WASF3: variants seen among roughly 807,000 people sequenced by gnomAD.
The protein encoded by WASF3 is WASP family member 3.
In WASF3, 11 loss-of-function variants were observed where a neutral mutation model predicts 46.6. The observed-to-expected ratio is 0.24, with a 90% CI of 0.15 to 0.39. The LOEUF is 0.39. Ranked by LOEUF, WASF3 falls within the 10% of genes least tolerant of loss-of-function variation. The pLI is 1.00. For synonymous variants in WASF3, 242 were observed against 259.7 expected, an observed-to-expected ratio of 0.93 and a Z score of 0.65; for missense variants, 576 against 669.8, an observed-to-expected ratio of 0.86 and a Z score of 1.55.
intron 2 of WASF3, among the ~76,000 whole-genome samples, chr13:26,636,580 C>T (rs1470581719): frequency 6.6e-6 from 1 of 152,260 alleles, no homozygotes; most frequent in Non-Finnish European, 1.5e-5. Flanking sequence ...AGAAATCACC[C>T]ATCTTCTGCG....
chr13:26,540,981 C>T, the WASF3 span, among the ~76,000 whole-genome samples: 1 of 152,076 alleles, frequency 6.6e-6, no homozygotes, highest in Non-Finnish European at 1.5e-5. Flanking sequence ...GAAAGATACT[C>T]AGTGATACGT....
At chr13:26,552,490 T>C in the WASF3 span, among the ~76,000 whole-genome samples, 24,562 of 152,210 alleles carry the variant, frequency 0.16, 2,498 homozygotes, top group South Asian at 0.25. Flanking sequence ...TATTTCACTC[T>C]ATGTCAAGAT....
chr13:26,547,424 A>C, the WASF3 span, among the ~76,000 whole-genome samples: 1 of 78,922 alleles, frequency 1.3e-5, no homozygotes, highest in East Asian at 7.8e-4. Flanking sequence ...ACACACACAC[A>C]CACCCATCAT....
At chr13:26,671,762 C>G (rs972857894) in intron 5 of WASF3, 110 bp from the exon 6 acceptor site, 1 of 689,360 alleles carries the variant, frequency 1.5e-6, no homozygotes, top group African/African-American at 1.8e-5. Flanking sequence ...AGTTTAAGTG[C>G]CCCATGTAGA....
At chr13:26,669,902 TTGG>T (rs1882881193) in intron 5 of WASF3, among the ~76,000 whole-genome samples, 2 of 152,196 alleles carry the variant, frequency 1.3e-5, no homozygotes, top group African/African-American at 4.8e-5. Context: ...TTTTATACTG[TTGG>T]TGGGAGTGTA....
intron 1 of WASF3, among the ~76,000 whole-genome samples, chr13:26,597,447 G>A (rs189942623): frequency 4.0e-5 from 6 of 151,006 alleles, no homozygotes; most frequent in African/African-American, 1.5e-4. Context: ...TTGATTTTTT[G>A]TTGTTGTTGT....
chr13:26,545,715 T>C, the WASF3 span, among the ~76,000 whole-genome samples: 1 of 152,178 alleles, frequency 6.6e-6, no homozygotes, highest in African/African-American at 2.4e-5. Flanking sequence ...AAGTATCCCC[T>C]TGCCTCAGCC....
intron 2 of WASF3, among the ~76,000 whole-genome samples, chr13:26,627,050 T>G (rs1211382822): frequency 6.6e-6 from 1 of 152,200 alleles, no homozygotes; most frequent in East Asian, 1.9e-4. Context: ...GATATGATTT[T>G]GAAATTCTTT....
intron 3 of WASF3, among the ~76,000 whole-genome samples, chr13:26,652,854 T>A (rs1040681540): frequency 6.6e-6 from 1 of 152,156 alleles, no homozygotes; most frequent in African/African-American, 2.4e-5. Flanking sequence ...AATTTGTAGC[T>A]TTAAATGTTA....
At chr13:26,628,066 C>G (rs200894503) in intron 2 of WASF3, among the ~76,000 whole-genome samples, 17 of 68,896 alleles carry the variant, frequency 2.5e-4, no homozygotes, top group Non-Finnish European at 2.8e-5. Flanking sequence ...AAATGTGTTT[C>G]AGGCCAACCT....
chr13:26,676,466 C>T, intron 6 of WASF3, 83 bp from the exon 7 acceptor site: 1 of 1,470,432 alleles, frequency 6.8e-7, no homozygotes, highest in Non-Finnish European at 9.2e-7. Context: ...AGGCATGGGC[C>T]TTGTGCATTA....
chr13:26,547,258 A>G, the WASF3 span, among the ~76,000 whole-genome samples: 2 of 152,180 alleles, frequency 1.3e-5, no homozygotes, highest in African/African-American at 2.4e-5. Flanking sequence ...TATTGAATAT[A>G]TTTGATGAGA....
chr13:26,580,876 C>T (rs574776769), intron 1 of WASF3, among the ~76,000 whole-genome samples: 14 of 150,990 alleles, frequency 9.3e-5, no homozygotes, highest in African/African-American at 3.2e-4. Context: ...CTGCCCAGCT[C>T]GGCCTCCCAA....
chr13:26,635,953 G>T (rs897629767), intron 2 of WASF3, among the ~76,000 whole-genome samples: 2 of 152,240 alleles, frequency 1.3e-5, no homozygotes, highest in African/African-American at 4.8e-5. Flanking sequence ...TCCCAGTTAG[G>T]CTACATGGGG....
chr13:26,643,246 A>G (rs1329396348), intron 3 of WASF3, among the ~76,000 whole-genome samples: 4 of 152,086 alleles, frequency 2.6e-5, no homozygotes. Context: ...ATTTTTGGTG[A>G]CAGGTTTTCA....
intron 2 of WASF3, chr13:26,620,835 G>A (rs1250985200): frequency 1.5e-4 from 23 of 152,186 alleles, no homozygotes; most frequent in Non-Finnish European, 4.4e-5. Flanking sequence ...TGTGGCCCTT[G>A]AAAGACAAAC....
At chr13:26,569,185 G>GT (rs956205544) in intron 1 of WASF3, among the ~76,000 whole-genome samples, 4 of 151,696 alleles carry the variant, frequency 2.6e-5, no homozygotes, top group Non-Finnish European at 2.9e-5. Flanking sequence ...ATAGAGGAAA[G>GT]TTTTTTTTTG....
At chr13:26,643,053 C>T (rs544896073) in intron 3 of WASF3, among the ~76,000 whole-genome samples, 1 of 152,304 alleles carries the variant, frequency 6.6e-6, no homozygotes, top group East Asian at 1.9e-4. Context: ...TTCTTATTCT[C>T]ATTTTGAATA....
At chr13:26,595,711 A>G (rs916631914) in intron 1 of WASF3, among the ~76,000 whole-genome samples, 2 of 152,158 alleles carry the variant, frequency 1.3e-5, no homozygotes, top group Non-Finnish European at 2.9e-5. Context: ...TATTAGTTGT[A>G]TCATTTTCAG....
Sources: gnomAD v4.1 joint callset for allele counts (sites outside exome capture counted in the v4.1 genomes callset) on GRCh38, gnomAD v4.1.1 for gene constraint, MANE v1.5 for transcripts, NCBI Gene and HGNC (gene_info 2026-07-23, HGNC 2026-07-21) for gene names.